ZNF24: variants seen among roughly 807,000 people sequenced by gnomAD.
ZNF24 encodes the protein zinc finger protein 24.
A neutral mutation model predicts 40.9 loss-of-function variants in ZNF24; 11 were observed. The observed-to-expected ratio is 0.27, with a 90% CI of 0.17 to 0.45. The LOEUF (loss-of-function observed/expected upper bound fraction) is 0.45, where lower values mean the gene tolerates loss of function less well. Among genes scored for constraint, ZNF24 ranks in the 20% least tolerant of loss-of-function variants. The pLI is 1.00. For synonymous variants in ZNF24, 139 were observed against 154.7 expected (o/e 0.90, Z 0.75); for missense variants, 293 against 437.7 (o/e 0.67, Z 2.95).
In ZNF24 at chr18:35,340,151, T is replaced by A. The variant is rs1051969165; in HGVS notation, c.420+80A>T. On this transcript the variant is annotated intron_variant, in intron 2 of 3. Transcript: ENST00000261332. This position sits in a 1 kb window ranked among gnomAD's most constrained non-coding sequence, Gnocchi z 4.6. ...AGGCATAAACATAATTCTAACTTAG[T>A]TGAGTGGAATTAATTCAGCAGCTTT... 1 of 1,537,412 alleles carries A rather than the reference T, an allele frequency of 6.5e-7. No individual in the cohort carries two copies. The highest frequency in any genetic ancestry group is 1.2e-5 in the South Asian group (1 of 81,176).
At chr18:35,341,579 G>A (rs1401243143) in intron 1 of ZNF24, among the ~76,000 whole-genome samples, 1 of 152,220 alleles carries the variant, frequency 6.6e-6, no homozygotes, top group Admixed American at 6.5e-5. Flanking sequence ...TTATGGAGAT[G>A]ACAGCTCCAT....
At chr18:35,339,132 A>T in intron 3 of ZNF24, 1 of 1,284,752 alleles carries the variant, frequency 7.8e-7, no homozygotes, top group South Asian at 1.3e-5. Flanking sequence ...AAAGCAATCT[A>T]GCAGTTTTAG....
In ZNF24 at chr18:35,334,007, AAG is replaced by A. The variant is rs1199693500; in HGVS notation, c.*3223_*3224del. The A allele has an allele frequency of 2.6e-5, 4 of 152,192 alleles. No individual in the cohort carries two copies. The highest frequency in any genetic ancestry group is 9.7e-5 in the African/African-American group (4 of 41,428). 9.4% of individuals were successfully genotyped at this position (152,192 alleles called of 1,614,324 possible). ...CTACTTTATACGGTAGCTGAGGATT[AAG>A]AGTTAATCCATGATAAAGCACTTCA... On this transcript the variant is annotated 3_prime_UTR_variant, in exon 4 of 4. Coordinates refer to ENST00000261332, the MANE Select transcript of ZNF24 (RefSeq NM_006965.4).
chr18:35,340,708 A>G lies in ZNF24; in HGVS notation c.-58T>C. ...GAGGCAGAATATAAGCCTCAGGGCA[A>G]TACCCCGTTTTCTTCACAGGCACTC... On this transcript the variant is annotated 5_prime_UTR_variant, in exon 2 of 4. Coordinates refer to ENST00000261332, the MANE Select transcript of ZNF24 (RefSeq NM_006965.4). The surrounding 1 kb of genome is among the most constrained non-coding windows in gnomAD (Gnocchi z 4.6). The G allele has an allele frequency of 2.0e-6, 3 of 1,519,270 alleles. No individual in the cohort carries two copies. Among genetic ancestry groups the G allele is most frequent in the Non-Finnish European group, 2.7e-6 (3 of 1,127,374 alleles). 94.1% of individuals were successfully genotyped at this position (1,519,270 alleles called of 1,614,324 possible). A position where few individuals can be genotyped will look rare whatever the true frequency, so the allele number is the denominator to read the frequency against.
Position 35,340,710 on chromosome 18 carries a change from ACC to A in ZNF24, c.-62_-61del. On this transcript the variant is annotated 5_prime_UTR_variant, in exon 2 of 4. Transcript: ENST00000261332. The surrounding 1 kb of genome is among the most constrained non-coding windows in gnomAD (Gnocchi z 4.6). The stretch of plus-strand genomic sequence containing the variant: ...GGCAGAATATAAGCCTCAGGGCAAT[ACC>A]CCGTTTTCTTCACAGGCACTCCTGA... 2.7e-6 allele frequency: 4 copies of A among 1,508,090 alleles called. No homozygotes were observed. The highest frequency in any genetic ancestry group is 2.7e-6 in the Non-Finnish European group (3 of 1,120,694). The allele number at this position is 1,508,090 out of a possible 1,614,324, so 93.4% of individuals were successfully genotyped here.
intron 1 of ZNF24, chr18:35,342,442 T>C (rs892754938): frequency 2.0e-5 from 3 of 152,212 alleles, no homozygotes; most frequent in Non-Finnish European, 4.4e-5. Flanking sequence ...TGTACAATAA[T>C]GTCCCAGGCC....
In ZNF24 at chr18:35,335,764, A is replaced by T. The variant is rs2044901137; in HGVS notation, c.*1468T>A. The stretch of plus-strand genomic sequence containing the variant: ...ATTTTAAAAAATGTGTTAAGACTGA[A>T]AATTAAAAAAAAATTCAATTGTGAT... On this transcript the variant is annotated 3_prime_UTR_variant, in exon 4 of 4. Transcript: ENST00000261332. 1 of 152,204 alleles carries T rather than the reference A, an allele frequency of 6.6e-6. No individual in the cohort carries two copies. The highest frequency in any genetic ancestry group is 6.5e-5 in the Admixed American group (1 of 15,280). 9.4% of individuals were successfully genotyped at this position (152,204 alleles called of 1,614,324 possible).
chr18:35,337,804 T>C (rs1380738502), intron 3 of ZNF24, 34 bp from the exon 4 acceptor site: 2 of 1,486,630 alleles, frequency 1.3e-6, no homozygotes, highest in East Asian at 4.6e-5. Flanking sequence ...TATCATTCAT[T>C]ATCTATTAAG....
In ZNF24 at chr18:35,340,711, CCCCGTTTTCTTCACAGGCA is replaced by C; in HGVS notation, c.-80_-62del. On this transcript the variant is annotated 5_prime_UTR_variant, in exon 2 of 4. Transcript: ENST00000261332. This position sits in a 1 kb window ranked among gnomAD's most constrained non-coding sequence, Gnocchi z 4.6. Reference sequence around the variant, plus strand: ...GCAGAATATAAGCCTCAGGGCAATACCCCGTTTTCTTCACAGGCACTCCTGAGGCATAAGAAATAAAAGA... The same window carrying C: ...GCAGAATATAAGCCTCAGGGCAATACCTCCTGAGGCATAAGAAATAAAAGA... 1 of 1,500,376 alleles carries C rather than the reference CCCCGTTTTCTTCACAGGCA, an allele frequency of 6.7e-7. No homozygotes were observed. Among genetic ancestry groups the C allele is most frequent in the Non-Finnish European group, 9.0e-7 (1 of 1,114,356 alleles). 92.9% of individuals were successfully genotyped at this position (1,500,376 alleles called of 1,614,324 possible). A position where few individuals can be genotyped will look rare whatever the true frequency, so the allele number is the denominator to read the frequency against.
chr18:35,340,482 G>T lies in ZNF24; in HGVS notation c.169C>A (p.Gln57Lys). ...DPEIFRQRFR[Q>K]FGYQDSPGPR... is the part of the protein sequence containing the mutation. ...CCAGGTGAATCCTGGTATCCAAACT[G>T]CCTGAATCGCTGTCGGAAAATCTCT... is the stretch of plus-strand genomic sequence containing the variant. Residue 57 changes from glutamine (Q) to lysine (K), a missense_variant, in exon 2 of 4, where the codon CAG becomes AAG. By Grantham distance (53) the Gln-to-Lys change is moderately conservative. Around this residue, in one of 2 missense-constraint regions of ZNF24, gnomAD observed 234 missense variants for 299.2 expected, o/e 0.78. Coordinates refer to ENST00000261332, the MANE Select transcript of ZNF24 (RefSeq NM_006965.4). This position sits in a 1 kb window ranked among gnomAD's most constrained non-coding sequence, Gnocchi z 4.6. 6.2e-7 allele frequency: 1 copy of T among 1,614,216 alleles called. No individual in the cohort carries two copies. Among genetic ancestry groups the T allele is most frequent in the Non-Finnish European group, 8.5e-7 (1 of 1,180,046 alleles).
intron 3 of ZNF24, chr18:35,338,906 A>G: frequency 7.0e-7 from 1 of 1,433,060 alleles, no homozygotes; most frequent in Non-Finnish European, 9.1e-7. Flanking sequence ...ACTTTATTGC[A>G]CAGAAGAATG....
chr18:35,338,960 C>A lies in ZNF24; in HGVS notation c.568+869G>T, dbSNP rs541413612. ...ACTGCAGATTTTCAGCAGACTTCAG[C>A]CCCACCCCAAAAGTTGACTGGCTGG... On this transcript the variant is annotated intron_variant, in intron 3 of 3. Coordinates refer to ENST00000261332, the MANE Select transcript of ZNF24 (RefSeq NM_006965.4). 7.9e-6 allele frequency: 12 copies of A among 1,513,782 alleles called. No individual in the cohort carries two copies. The East Asian group carries it at 1.5e-4, about 19-fold the overall frequency. 93.8% of individuals were successfully genotyped at this position (1,513,782 alleles called of 1,614,324 possible).
Position 35,340,622 on chromosome 18 carries a change from G to C in ZNF24, c.29C>G (p.Ser10Ter). The C allele has an allele frequency of 6.2e-7, 1 of 1,613,744 alleles. No homozygotes were observed. The highest frequency in any genetic ancestry group is 8.5e-7 in the Non-Finnish European group (1 of 1,180,030). MSAQSVEED[S>*]ILIIPTPDEE... The stretch of plus-strand genomic sequence containing the variant: ...ATCTGGAGTTGGGATGATAAGTATT[G>C]AATCTTCTTCCACTGACTGTGCAGA... The change falls in exon 2 of 4, where the codon TCA becomes TGA. Residue 10 changes from serine (S) to a stop codon, truncating the protein, a stop_gained. Transcript: ENST00000261332. LOFTEE classifies it high-confidence loss of function. This position sits in a 1 kb window ranked among gnomAD's most constrained non-coding sequence, Gnocchi z 4.6.
intron 3 of ZNF24, among the ~76,000 whole-genome samples, 170 bp downstream of exon 3, chr18:35,339,659 T>C (rs1006245184): frequency 3.3e-5 from 5 of 152,194 alleles, no homozygotes; most frequent in Admixed American, 6.5e-5. Context: ...AAGATGTTAA[T>C]GTCTAGGAAT....
At position 35,333,346 on chromosome 18, in the gene ZNF24, A is replaced by C. The variant is rs543520980; in HGVS notation, c.*3886T>G. 3.9e-5 allele frequency: 6 copies of C among 152,194 alleles called. No homozygotes were observed. The highest frequency in any genetic ancestry group is 8.8e-5 in the Non-Finnish European group (6 of 68,026). 9.4% of individuals were successfully genotyped at this position (152,194 alleles called of 1,614,324 possible). A position where few individuals can be genotyped will look rare whatever the true frequency, so the allele number is the denominator to read the frequency against. ...TTATGTAAAAAGTGTTTTTATGTGT[A>C]TGTATATTCGTACGGAAAGGTGACT... On this transcript the variant is annotated 3_prime_UTR_variant, in exon 4 of 4. Coordinates refer to ENST00000261332, the MANE Select transcript of ZNF24 (RefSeq NM_006965.4).
Position 35,339,095 on chromosome 18 carries a change from T to C in ZNF24, c.568+734A>G, listed in dbSNP as rs780795628. ...ATTACTAAAGCAGAGTCAAACAAAA[T>C]TTCATTTTAGTTCACATAAACATGA... is the stretch of plus-strand genomic sequence containing the variant. On this transcript the variant is annotated intron_variant, in intron 3 of 3. Transcript: ENST00000261332. 3.3e-6 allele frequency: 5 copies of C among 1,519,616 alleles called. No individual in the cohort carries two copies. The South Asian group carries it at 6.0e-5, about 18-fold the overall frequency. The allele number at this position is 1,519,616 out of a possible 1,614,324, so 94.1% of individuals were successfully genotyped here.
Position 35,334,529 on chromosome 18 carries a change from C to G in ZNF24, c.*2703G>C, listed in dbSNP as rs1409624776. On this transcript the variant is annotated 3_prime_UTR_variant, in exon 4 of 4. Transcript: ENST00000261332. ...CTGGGTATGACTACAGAGAGCTTAA[C>G]CTCCAAGAAAGCCAGAAGAAAAAAC... The G allele has an allele frequency of 6.6e-6, 1 of 152,186 alleles. No individual in the cohort carries two copies. Among genetic ancestry groups the G allele is most frequent in the Non-Finnish European group, 1.5e-5 (1 of 68,038 alleles). The allele number at this position is 152,186 out of a possible 1,614,324, so 9.4% of individuals were successfully genotyped here. A position where few individuals can be genotyped will look rare whatever the true frequency, so the allele number is the denominator to read the frequency against.
chr18:35,339,031 G>A (rs2044939954), intron 3 of ZNF24: 2 of 1,536,004 alleles, frequency 1.3e-6, no homozygotes. Context: ...ACCTCATTCA[G>A]TGGCATACCA....
In ZNF24 at chr18:35,340,936, T is replaced by C. The variant is rs1004994530; in HGVS notation, c.-83-203A>G. Among the ~76,000 whole-genome samples the C allele has an allele frequency of 3.9e-5, 6 of 152,152 alleles. No homozygotes were observed. The South Asian group carries it at 1.0e-3, about 26-fold the overall frequency. ...TACAACACTTGCACCAACAATAATTTTCACATTTTTAAATGGCTGTGGTCT... is the reference window on the plus strand; with the variant it reads ...TACAACACTTGCACCAACAATAATTCTCACATTTTTAAATGGCTGTGGTCT... On this transcript the variant is annotated intron_variant, in intron 1 of 3. Coordinates refer to ENST00000261332, the MANE Select transcript of ZNF24 (RefSeq NM_006965.4). The surrounding 1 kb of genome is among the most constrained non-coding windows in gnomAD (Gnocchi z 4.6).
Sources: allele counts gnomAD v4.1 joint callset (sites outside exome capture counted in the v4.1 genomes callset), GRCh38; gene constraint gnomAD v4.1.1; regional missense constraint gnomAD v4.1.1; non-coding constraint Gnocchi (gnomAD v3.1); transcripts MANE v1.5; gene names NCBI Gene and HGNC (gene_info 2026-07-23, HGNC 2026-07-21).